PTGS1: variants seen among roughly 807,000 people sequenced by gnomAD.
PTGS1 encodes the protein prostaglandin-endoperoxide synthase 1, also known as prostaglandin G/H synthase 1.
In PTGS1, 40 loss-of-function variants were observed where a neutral mutation model predicts 63.0. That is an observed-to-expected ratio of 0.63 (90% CI 0.49 to 0.83). The LOEUF is 0.83. PTGS1 is among the 40% of genes least tolerant of loss of function. The pLI is 0.00. For missense variants in PTGS1, 709 were observed against 786.5 expected (o/e 0.90, Z 1.18); for synonymous variants, 298 against 301.9 (o/e 0.99, Z 0.13).
At position 122,392,776 on chromosome 9, in the gene PTGS1, T is replaced by G; in HGVS notation, c.*232T>G. On this transcript the variant is annotated 3_prime_UTR_variant, in exon 11 of 11. Transcript: ENST00000362012. ...TTCAGATTGTTAGGAGTGGTTCTCA[T>G]TTGGTCTGCCAGAATACTGGGTTCT... 2.2e-6 allele frequency: 1 copy of G among 463,950 alleles called. No homozygotes were observed. Among genetic ancestry groups the G allele is most frequent in the African/African-American group, 1.9e-5 (1 of 52,410 alleles). The allele number at this position is 463,950 out of a possible 1,614,324, so 28.7% of individuals were successfully genotyped here.
chr9:122,377,043 C>T (rs1202688959), intron 2 of PTGS1, among the ~76,000 whole-genome samples: 1 of 152,186 alleles, frequency 6.6e-6, no homozygotes, highest in African/African-American at 2.4e-5. Flanking sequence ...TCTCCTATTC[C>T]CTTGGTCTGT....
chr9:122,375,798 G>A (rs1211338589), intron 2 of PTGS1, among the ~76,000 whole-genome samples: 2 of 152,172 alleles, frequency 1.3e-5, no homozygotes, highest in East Asian at 3.9e-4. Flanking sequence ...GGGGCTAAGG[G>A]AGGGGCTGGC....
intron 8 of PTGS1, among the ~76,000 whole-genome samples, chr9:122,386,158 G>C (rs930512097): frequency 6.6e-6 from 1 of 151,222 alleles, no homozygotes; most frequent in Non-Finnish European, 1.5e-5. Flanking sequence ...AAGAAAGAAA[G>C]CTGGGTGTGG....
intron 9 of PTGS1, among the ~76,000 whole-genome samples, chr9:122,387,984 C>T (rs990903229): frequency 6.6e-6 from 1 of 152,238 alleles, no homozygotes; most frequent in Non-Finnish European, 1.5e-5. Context: ...TTTGCTGCCC[C>T]GGTGGGCAGC....
chr9:122,376,165 C>G (rs1837142157), intron 2 of PTGS1, among the ~76,000 whole-genome samples: 1 of 152,104 alleles, frequency 6.6e-6, no homozygotes, highest in South Asian at 2.1e-4. Flanking sequence ...TGGGGTACTG[C>G]CAGGCCCTTT....
At chr9:122,379,205 A>G (rs1837368764) in intron 5 of PTGS1, among the ~76,000 whole-genome samples, 1 of 152,068 alleles carries the variant, frequency 6.6e-6, no homozygotes, top group Admixed American at 6.5e-5. Context: ...AGTGACTTAG[A>G]AGTTGAGATG....
chr9:122,389,973 AC>A (rs1838104733), intron 9 of PTGS1, among the ~76,000 whole-genome samples: 1 of 151,614 alleles, frequency 6.6e-6, no homozygotes, highest in Non-Finnish European at 1.5e-5. Context: ...AAAAAAACCC[AC>A]AAAAAAAAAA....
chr9:122,378,767 C>G lies in PTGS1; in HGVS notation c.353-8C>G. ...CACCCTTGTCACCGTTATTTTTGCT[C>G]TCTGCAGTGCGCTCCAACCTTATCC... On this transcript the variant is annotated splice_region_variant and splice_polypyrimidine_tract_variant and intron_variant, in intron 4 of 10. Coordinates refer to ENST00000362012, the MANE Select transcript of PTGS1 (RefSeq NM_000962.4). 1 of 1,614,006 alleles carries G rather than the reference C, an allele frequency of 6.2e-7. No individual in the cohort carries two copies.
At position 122,392,552 on chromosome 9, in the gene PTGS1, G is replaced by A. The variant is rs1339078875; in HGVS notation, c.*8G>A. The A allele has an allele frequency of 6.2e-7, 1 of 1,607,284 alleles. No individual in the cohort carries two copies. Among genetic ancestry groups the A allele is most frequent in the East Asian group, 2.2e-5 (1 of 44,740 alleles). On this transcript the variant is annotated 3_prime_UTR_variant, in exon 11 of 11. Transcript: ENST00000362012. ...CCATCCACAGAGCTCTGAGGGGCAG[G>A]AAAGCAGCATTCTGGAGGGGAGAGC...
intron 2 of PTGS1, among the ~76,000 whole-genome samples, chr9:122,374,900 G>A (rs1255641508): frequency 6.6e-6 from 1 of 152,210 alleles, no homozygotes; most frequent in East Asian, 1.9e-4. Context: ...AAAGCAGTGG[G>A]GTCTGGGCAA....
At position 122,394,460 on chromosome 9, in the gene PTGS1, C is replaced by T. The variant is rs879669895; in HGVS notation, c.*1916C>T. On this transcript the variant is annotated 3_prime_UTR_variant, in exon 11 of 11. Coordinates refer to ENST00000362012, the MANE Select transcript of PTGS1 (RefSeq NM_000962.4). ...TCTGCTGAATGCAGGGAATGCAATCCTTCCCTGCTCTTGCAGTTGCTCTGA... is the reference window on the plus strand; with the variant it reads ...TCTGCTGAATGCAGGGAATGCAATCTTTCCCTGCTCTTGCAGTTGCTCTGA... 1 of 152,200 alleles carries T rather than the reference C, an allele frequency of 6.6e-6. No homozygotes were observed. The highest frequency in any genetic ancestry group is 1.5e-5 in the Non-Finnish European group (1 of 68,052). The allele number at this position is 152,200 out of a possible 1,614,324, so 9.4% of individuals were successfully genotyped here. A position where few individuals can be genotyped will look rare whatever the true frequency, so the allele number is the denominator to read the frequency against.
chr9:122,371,826 C>A, intron 2 of PTGS1: 1 of 1,531,190 alleles, frequency 6.5e-7, no homozygotes, highest in Non-Finnish European at 8.7e-7. Context: ...ATGAGGAAAC[C>A]GAGGCTCAGT....
At chr9:122,370,725 T>C, upstream of PTGS1, 1 of 505,958 alleles carries the variant, frequency 2.0e-6, no homozygotes, top group Non-Finnish European at 3.5e-6. Flanking sequence ...GGTATGTGGT[T>C]CAGACGAGCC....
intron 8 of PTGS1, among the ~76,000 whole-genome samples, chr9:122,385,620 T>A (rs1837824043): frequency 6.6e-6 from 1 of 152,096 alleles, no homozygotes; most frequent in Non-Finnish European, 1.5e-5. Flanking sequence ...AATATGTTTT[T>A]TGAAATATAT....
chr9:122,379,325 T>G (rs1837375189), intron 5 of PTGS1, among the ~76,000 whole-genome samples: 3 of 152,302 alleles, frequency 2.0e-5, no homozygotes, highest in Middle Eastern at 3.4e-3. Context: ...AAGCCACATT[T>G]TTTTCTTTCG....
upstream of PTGS1, chr9:122,371,019 C>T (rs200194418): frequency 7.9e-5 from 122 of 1,542,890 alleles, no homozygotes; most frequent in Non-Finnish European, 1.1e-4. Flanking sequence ...GCTGGAGCTC[C>T]GGGCAGTGTG....
upstream of PTGS1, chr9:122,370,852 T>C: frequency 1.5e-6 from 1 of 657,322 alleles, no homozygotes; most frequent in Non-Finnish European, 2.6e-6. Flanking sequence ...CGTAAGTGCT[T>C]CAAGGATCTT....
chr9:122,385,006 G>A (rs1040198143), intron 8 of PTGS1, among the ~76,000 whole-genome samples: 3 of 152,276 alleles, frequency 2.0e-5, no homozygotes, highest in Middle Eastern at 3.4e-3. Flanking sequence ...TGCCCACACA[G>A]TAGTGCAATG....
intron 2 of PTGS1, chr9:122,375,541 T>C (rs1446423007): frequency 9.6e-6 from 9 of 937,090 alleles, no homozygotes; most frequent in Non-Finnish European, 8.9e-6. Context: ...GCCCCAACTG[T>C]GTGCATAGCC....
Sources: gnomAD v4.1 joint callset for allele counts (sites outside exome capture counted in the v4.1 genomes callset) on GRCh38, gnomAD v4.1.1 for gene constraint, MANE v1.5 for transcripts, NCBI Gene and HGNC (gene_info 2026-07-23, HGNC 2026-07-21) for gene names.